The following PLAG1 variants were observed in gnomAD, a reference collection of about 807,000 sequenced individuals.
PLAG1 encodes the protein PLAG1 zinc finger.
Under a neutral mutation model 35.5 loss-of-function variants are expected in PLAG1, and 7 were observed. The observed-to-expected ratio is 0.20, with a 90% CI of 0.11 to 0.37. The LOEUF is 0.37. Among genes scored for constraint, PLAG1 ranks in the 10% least tolerant of loss-of-function variants. The probability of loss-of-function intolerance (pLI) is 1.00; values close to 1 mark genes in which losing one functional copy is unlikely to be tolerated. For missense variants in PLAG1, 454 were observed against 602.8 expected, an observed-to-expected ratio of 0.75 and a Z score of 2.58; for synonymous variants, 229 against 225.4, an observed-to-expected ratio of 1.02 and a Z score of -0.14.
At chr8:56,210,828 G>T (rs1397696513) in intron 1 of PLAG1, among the ~76,000 whole-genome samples, 5 of 144,032 alleles carry the variant, frequency 3.5e-5, no homozygotes, top group Non-Finnish European at 7.7e-5. Context: ...CTGAATAAAG[G>T]TTTTTTTTTT....
Position 56,179,490 on chromosome 8 carries a change from G to A in PLAG1, c.-298C>T. 1.0e-6 allele frequency: 1 copy of A among 971,876 alleles called. No individual in the cohort carries two copies. The highest frequency in any genetic ancestry group is 1.2e-6 in the Non-Finnish European group (1 of 817,234). The allele number at this position is 971,876 out of a possible 1,614,324, so 60.2% of individuals were successfully genotyped here. Reference sequence around the variant, plus strand: ...TGAAGCATTCTGGGTGCCAAATACGGCCAAGGCAGCACCAAGAGGCAACCT... The same window carrying A: ...TGAAGCATTCTGGGTGCCAAATACGACCAAGGCAGCACCAAGAGGCAACCT... On this transcript the variant is annotated 5_prime_UTR_variant, in exon 2 of 5. Coordinates refer to ENST00000316981, the MANE Select transcript of PLAG1 (RefSeq NM_002655.3).
At chr8:56,172,464 T>G (rs1284996834) in intron 2 of PLAG1, among the ~76,000 whole-genome samples, 1 of 152,196 alleles carries the variant, frequency 6.6e-6, no homozygotes, top group Non-Finnish European at 1.5e-5. Flanking sequence ...TTGCAAATAC[T>G]TACTTGCCCA....
At chr8:56,186,167 C>A (rs1171347834) in intron 1 of PLAG1, among the ~76,000 whole-genome samples, 1 of 152,082 alleles carries the variant, frequency 6.6e-6, no homozygotes, top group Non-Finnish European at 1.5e-5. Flanking sequence ...TCAGAAGGGG[C>A]TTAAACTTTA....
At chr8:56,203,369 A>G (rs1324103736) in intron 1 of PLAG1, among the ~76,000 whole-genome samples, 1 of 152,036 alleles carries the variant, frequency 6.6e-6, no homozygotes, top group Admixed American at 6.6e-5. Context: ...TTTCATTTTG[A>G]TTTGGGTAAG....
At position 56,178,525 on chromosome 8, in the gene PLAG1, T is replaced by C. The variant is rs536181508; in HGVS notation, c.-217+884A>G. Among the ~76,000 whole-genome samples the C allele has an allele frequency of 2.6e-5, 4 of 152,336 alleles. No homozygotes were observed. The East Asian group carries it at 5.8e-4, about 22-fold the overall frequency. On this transcript the variant is annotated intron_variant, in intron 2 of 4. Transcript: ENST00000316981. ...CTAACGGTGTTGATGCTTAAACCCA[T>C]AGAATGTTGTTCTTATAGAAAATTT... is the stretch of plus-strand genomic sequence containing the variant.
intron 1 of PLAG1, among the ~76,000 whole-genome samples, chr8:56,196,080 A>G (rs1812355470): frequency 6.6e-6 from 1 of 152,214 alleles, no homozygotes; most frequent in Non-Finnish European, 1.5e-5. Flanking sequence ...AGTTGGCCAG[A>G]AAGGTGCTGT....
At chr8:56,179,140 G>A (rs1811794846) in intron 2 of PLAG1, among the ~76,000 whole-genome samples, 1 of 151,852 alleles carries the variant, frequency 6.6e-6, no homozygotes, top group Non-Finnish European at 1.5e-5. Flanking sequence ...CTGGGGAACA[G>A]GAACAAATTA....
At position 56,161,932 on chromosome 8, in the gene PLAG1, C is replaced by T. The variant is rs989287592; in HGVS notation, c.*4311G>A. On this transcript the variant is annotated 3_prime_UTR_variant, in exon 5 of 5. Transcript: ENST00000316981. ...GCAATAGTTCTGTGTCATTTCTAGG[C>T]TAGATAACATCAAAAGACACTGCCT... 1.3e-5 allele frequency: 3 copies of T among 227,410 alleles called. No homozygotes were observed. The highest frequency in any genetic ancestry group is 6.7e-5 in the African/African-American group (3 of 45,032). 14.1% of individuals were successfully genotyped at this position (227,410 alleles called of 1,614,324 possible).
chr8:56,179,919 G>A (rs757324390), intron 1 of PLAG1, among the ~76,000 whole-genome samples: 7 of 152,064 alleles, frequency 4.6e-5, no homozygotes, highest in Non-Finnish European at 7.3e-5. Context: ...CTTGCCCCAT[G>A]AGTGCTTTCC....
chr8:56,198,150 G>C (rs1272806939), intron 1 of PLAG1, among the ~76,000 whole-genome samples: 1 of 152,214 alleles, frequency 6.6e-6, no homozygotes, highest in Non-Finnish European at 1.5e-5. Context: ...CCTGAAAACA[G>C]AGTACTCCTC....
chr8:56,164,067 A>G lies in PLAG1; in HGVS notation c.*2176T>C, dbSNP rs1811284042. On this transcript the variant is annotated 3_prime_UTR_variant, in exon 5 of 5. Transcript: ENST00000316981. ...CAGAGCGAAAAGCCTACTTTCAGAA[A>G]AAATATTCTCCTAATCAAAAGCTAG... 1 of 186,574 alleles carries G rather than the reference A, an allele frequency of 5.4e-6. No homozygotes were observed. The highest frequency in any genetic ancestry group is 2.0e-4 in the South Asian group (1 of 5,122). The allele number at this position is 186,574 out of a possible 1,614,324, so 11.6% of individuals were successfully genotyped here.
At chr8:56,205,030 T>C (rs1162756155) in intron 1 of PLAG1, among the ~76,000 whole-genome samples, 3 of 151,954 alleles carry the variant, frequency 2.0e-5, no homozygotes, top group South Asian at 2.1e-4. Context: ...ATCGGCAGCA[T>C]AGACCTAAAA....
intron 1 of PLAG1, among the ~76,000 whole-genome samples, chr8:56,186,506 G>A (rs1812022191): frequency 6.6e-6 from 1 of 151,746 alleles, no homozygotes; most frequent in African/African-American, 2.4e-5. Context: ...TGAGTAGGTA[G>A]GACCACAGGT....
chr8:56,189,134 A>T (rs1216729325), intron 1 of PLAG1, among the ~76,000 whole-genome samples: 1 of 152,254 alleles, frequency 6.6e-6, no homozygotes, highest in Non-Finnish European at 1.5e-5. Flanking sequence ...AATAAAAGGA[A>T]GATGAGAGGA....
rs926020542 is a variant in PLAG1 at position 56,186,384 on chromosome 8, T to G, written c.-321-6871A>C. On this transcript the variant is annotated intron_variant, in intron 1 of 4. Coordinates refer to ENST00000316981, the MANE Select transcript of PLAG1 (RefSeq NM_002655.3). ...TTATTCATTTTTATTTATTTTTATT[T>G]TTTTTGAGATGGGATCTCACTCTGT... Among the ~76,000 whole-genome samples, 3 of 152,314 alleles carry G rather than the reference T, an allele frequency of 2.0e-5. No individual in the cohort carries two copies. The East Asian group carries it at 5.8e-4, about 29-fold the overall frequency.
intron 2 of PLAG1, chr8:56,177,925 C>T (rs747010349): frequency 1.7e-4 from 59 of 349,566 alleles, no homozygotes; most frequent in Non-Finnish European, 2.2e-4. Context: ...TCACCTGCTT[C>T]GGCAGACCTC....
At chr8:56,191,390 G>T (rs1386116319) in intron 1 of PLAG1, among the ~76,000 whole-genome samples, 1 of 152,174 alleles carries the variant, frequency 6.6e-6, no homozygotes, top group Non-Finnish European at 1.5e-5. Context: ...GGCAGAGGAC[G>T]CGAGCCTGTG....
intron 2 of PLAG1, chr8:56,177,984 G>A (rs939987312): frequency 3.1e-5 from 30 of 966,594 alleles, no homozygotes; most frequent in South Asian, 4.8e-5. Context: ...CGCCAAGCAC[G>A]GATACAAACC....
chr8:56,208,794 G>T (rs1226530533), intron 1 of PLAG1, among the ~76,000 whole-genome samples: 1 of 152,116 alleles, frequency 6.6e-6, no homozygotes, highest in Non-Finnish European at 1.5e-5. Context: ...AAACATAAGA[G>T]CCGATAGTAG....
Sources: gnomAD v4.1 joint callset for allele counts (sites outside exome capture counted in the v4.1 genomes callset) on GRCh38, gnomAD v4.1.1 for gene constraint, MANE v1.5 for transcripts, NCBI Gene and HGNC (gene_info 2026-07-23, HGNC 2026-07-21) for gene names.